The following AP3D1 variants were observed in gnomAD, a reference collection of about 807,000 sequenced individuals.
AP3D1 encodes the protein AP-3 complex subunit delta-1.
Under a neutral mutation model 147.6 loss-of-function variants are expected in AP3D1, and 51 were observed. The ratio of observed to expected loss-of-function variants is 0.35; its 90% CI spans 0.28 to 0.44. AP3D1 has a LOEUF of 0.44. AP3D1 is among the 20% of genes least tolerant of loss of function. The probability of loss-of-function intolerance (pLI) is 1.00; values close to 1 mark genes in which losing one functional copy is unlikely to be tolerated. For missense variants in AP3D1, 1,421 were observed against 1,624.2 expected, an observed-to-expected ratio of 0.87 and a Z score of 2.15; for synonymous variants, 760 against 663.0, an observed-to-expected ratio of 1.15 and a Z score of -2.25.
intron 1 of AP3D1, among the ~76,000 whole-genome samples, chr19:2,144,204 G>T (rs926621413): frequency 1.2e-4 from 18 of 152,090 alleles, no homozygotes; most frequent in Non-Finnish European, 2.1e-4. Flanking sequence ...CCATCACTTC[G>T]AATTCAAACA....
At position 2,111,977 on chromosome 19, in the gene AP3D1, C is replaced by A. The variant is rs577860175; in HGVS notation, c.2788-149G>T. On this transcript the variant is annotated intron_variant, in intron 24 of 31. Transcript: ENST00000643116. ...CAGGACCAGCCACGCCTCAGGCCTA[C>A]CGGGACAAGCTCAGGCCAGACCAGG... The A allele has an allele frequency of 4.5e-5, 58 of 1,297,088 alleles. No individual in the cohort carries two copies. In the African/African-American group the frequency reaches 7.9e-4, roughly 18 times the overall value. The allele number at this position is 1,297,088 out of a possible 1,614,324, so 80.3% of individuals were successfully genotyped here. A position where few individuals can be genotyped will look rare whatever the true frequency, so the allele number is the denominator to read the frequency against.
At chr19:2,141,497 G>A (rs1051058404) in intron 1 of AP3D1, among the ~76,000 whole-genome samples, 2 of 140,578 alleles carry the variant, frequency 1.4e-5, no homozygotes, top group South Asian at 2.3e-4. Context: ...GCAGTGGTAC[G>A]ATCTCGGCTC....
At position 2,116,249 on chromosome 19, in the gene AP3D1, G is replaced by A. The variant is rs376848922; in HGVS notation, c.2031C>T (p.Ala677=). 6.2e-6 allele frequency: 10 copies of A among 1,614,018 alleles called. No homozygotes were observed. The highest frequency in any genetic ancestry group is 2.2e-5 in the East Asian group (1 of 44,890). Reference sequence around the variant, plus strand: ...AGCTCTTGATGTAGAAGGGGTTGTTGGCCTGCTCCTGCTTCCGGGCCTCTC... The same window carrying A: ...AGCTCTTGATGTAGAAGGGGTTGTTAGCCTGCTCCTGCTTCCGGGCCTCTC... ...RRREARKQEQ[A]NNPFYIKSSP... Residue 677 remains alanine (A), a synonymous_variant, in exon 18 of 32, where the codon GCC becomes GCT. Transcript: ENST00000643116.
At chr19:2,110,246 G>A (rs2018233126) in intron 27 of AP3D1, 22 bp from the exon 28 acceptor site, 1 of 1,607,096 alleles carries the variant, frequency 6.2e-7, no homozygotes, top group Non-Finnish European at 8.5e-7. Context: ...GAGAGGGAGT[G>A]GGGCCTGAGA....
In AP3D1 at chr19:2,111,927, G is replaced by T. The variant is rs1016664349; in HGVS notation, c.2788-99C>A. 5 of 1,567,992 alleles carry T rather than the reference G, an allele frequency of 3.2e-6. No homozygotes were observed. The African/African-American group carries it at 6.7e-5, about 21-fold the overall frequency. On this transcript the variant is annotated intron_variant, in intron 24 of 31. Transcript: ENST00000643116. ...TCACAGCAGGGCTGCTCAGGCTGAGGGTCCCACGTGCCTGGGTGGGATGGC... is the reference window on the plus strand; with the variant it reads ...TCACAGCAGGGCTGCTCAGGCTGAGTGTCCCACGTGCCTGGGTGGGATGGC...
At position 2,135,687 on chromosome 19, in the gene AP3D1, G is replaced by A. The variant is rs115192356; in HGVS notation, c.354+1324C>T. ...CAGGGGCAGGCACCAGGTCAGAGCC[G>A]CGCCCGACACACAGGGTCTAACAGC... is the stretch of plus-strand genomic sequence containing the variant. On this transcript the variant is annotated intron_variant, in intron 4 of 31. Transcript: ENST00000643116. Among the ~76,000 whole-genome samples, 459 of 152,288 alleles carry A rather than the reference G, an allele frequency of 3.0e-3. 5 individuals are homozygous for A. Among genetic ancestry groups the A allele is most frequent in the African/African-American group, 0.011 (444 of 41,544 alleles).
intron 1 of AP3D1, among the ~76,000 whole-genome samples, chr19:2,159,881 T>C (rs1165230341): frequency 6.6e-6 from 1 of 151,476 alleles, no homozygotes; most frequent in African/African-American, 2.4e-5. Flanking sequence ...CATGCCCGGC[T>C]AATTTTTTGT....
chr19:2,114,193 T>G lies in AP3D1; in HGVS notation c.2533A>C (p.Lys845Gln), dbSNP rs779165597. Residue 845 changes from lysine (K) to glutamine (Q), a missense_variant, in exon 22 of 32, where the codon AAG (lysine) becomes CAG (glutamine). This residue lies in a region of AP3D1 where 791 missense variants were observed against 761.4 expected (regional missense o/e 1.04). Transcript: ENST00000643116. ...TCTTTGTGTTTTTTCTCTTTCTTCTTGGGTTTCTTGCTCTTCTTTTCTACC... is the reference window on the plus strand; with the variant it reads ...TCTTTGTGTTTTTTCTCTTTCTTCTGGGGTTTCTTGCTCTTCTTTTCTACC... ...PMVEKKSKKP[K>Q]KKEKKHKEKE... The G allele has an allele frequency of 1.7e-5, 27 of 1,609,214 alleles. No homozygotes were observed. The highest frequency in any genetic ancestry group is 2.3e-5 in the Non-Finnish European group (27 of 1,177,712).
chr19:2,111,479 C>A, intron 25 of AP3D1, 147 bp from the exon 26 acceptor site: 2 of 1,246,070 alleles, frequency 1.6e-6, no homozygotes, highest in Non-Finnish European at 1.1e-6. Context: ...GAGGGATCCC[C>A]GGCTCCCAGG....
At chr19:2,162,436 C>CT (rs1369185469) in intron 1 of AP3D1, among the ~76,000 whole-genome samples, 1 of 150,178 alleles carries the variant, frequency 6.7e-6, no homozygotes, top group Non-Finnish European at 1.5e-5. Flanking sequence ...GGGCGGATCA[C>CT]TTGAGTTTGA....
chr19:2,111,400 GC>G (rs769916644), intron 25 of AP3D1, 68 bp from the exon 26 acceptor site: 1 of 1,570,766 alleles, frequency 6.4e-7, no homozygotes, highest in Non-Finnish European at 8.7e-7. Flanking sequence ...CTCCAGTATG[GC>G]CCAATACCCC....
At chr19:2,153,872 G>A (rs149166329), upstream of AP3D1, among the ~76,000 whole-genome samples, 88 of 151,808 alleles carry the variant, frequency 5.8e-4, 1 homozygote, top group African/African-American at 2.0e-3. Flanking sequence ...ATAGAGTCTT[G>A]CTCTGTAGCC....
At chr19:2,119,823 T>C (rs2018561297) in intron 14 of AP3D1, among the ~76,000 whole-genome samples, 1 of 148,948 alleles carries the variant, frequency 6.7e-6, no homozygotes, top group Admixed American at 6.7e-5. Flanking sequence ...GTGCCTGTAA[T>C]CCCAGCTACT....
At chr19:2,118,875 G>T in intron 14 of AP3D1, 43 bp from the exon 15 acceptor site, 1 of 1,573,906 alleles carries the variant, frequency 6.4e-7, no homozygotes. Flanking sequence ...TGCCAATCCC[G>T]GGGCTCCTCT....
At chr19:2,131,964 A>C (rs1009501253) in intron 5 of AP3D1, among the ~76,000 whole-genome samples, 16 of 152,238 alleles carry the variant, frequency 1.1e-4, no homozygotes, top group African/African-American at 3.9e-4. Flanking sequence ...ACTGTGTTTT[A>C]AATGAAAAGG....
At chr19:2,159,226 T>TC in intron 1 of AP3D1, among the ~76,000 whole-genome samples, 1 of 151,144 alleles carries the variant, frequency 6.6e-6, no homozygotes, top group African/African-American at 2.4e-5. Flanking sequence ...TCTCTCTTTT[T>TC]TTTTTTTTTT....
chr19:2,137,131 C>T (rs544947436), intron 3 of AP3D1, 40 bp from the exon 4 acceptor site: 263 of 1,523,328 alleles, frequency 1.7e-4, no homozygotes, highest in Non-Finnish European at 2.2e-4. Context: ...GCAGGACACC[C>T]GCAGCCTCCA....
At chr19:2,112,000 AG>A in intron 24 of AP3D1, 172 bp from the exon 25 acceptor site, 2 of 1,071,744 alleles carry the variant, frequency 1.9e-6, no homozygotes, top group South Asian at 3.2e-5. Context: ...AGGCCAGACC[AG>A]GCCCAGCGGA....
intron 1 of AP3D1, among the ~76,000 whole-genome samples, chr19:2,163,089 T>G (rs1198686271): frequency 1.3e-5 from 2 of 152,134 alleles, no homozygotes; most frequent in African/African-American, 2.4e-5. Flanking sequence ...TAATTATTTT[T>G]TTGAGACGGA....
Sources: gnomAD v4.1 joint callset for allele counts (sites outside exome capture counted in the v4.1 genomes callset) on GRCh38, gnomAD v4.1.1 for gene constraint, gnomAD v4.1.1 regional missense constraint, MANE v1.5 for transcripts, NCBI Gene and HGNC (gene_info 2026-07-23, HGNC 2026-07-21) for gene names.